The following TTLL9 variants were observed in gnomAD, a reference collection of about 807,000 sequenced individuals.
TTLL9 encodes probable tubulin polyglutamylase TTLL9.
In TTLL9, 47 loss-of-function variants were observed where a neutral mutation model predicts 65.6. That is an observed-to-expected ratio of 0.72 (90% CI 0.57 to 0.91). TTLL9 has a LOEUF of 0.91. Among genes scored for constraint, TTLL9 ranks in the 40% least tolerant of loss-of-function variants. The pLI, the probability that TTLL9 is intolerant of heterozygous loss-of-function variation, is 0.00. For missense variants in TTLL9, 537 were observed against 568.8 expected, an observed-to-expected ratio of 0.94 and a Z score of 0.57; for synonymous variants, 179 against 204.8, an observed-to-expected ratio of 0.87 and a Z score of 1.07.
At chr20:31,872,683 C>T (rs2062955148) in intron 2 of TTLL9, among the ~76,000 whole-genome samples, 1 of 151,930 alleles carries the variant, frequency 6.6e-6, no homozygotes, top group South Asian at 2.1e-4. Context: ...AGAGCGAGAC[C>T]TTGTCTCAAA....
At position 31,905,458 on chromosome 20, in the gene TTLL9, G is replaced by A. The variant is rs1014275809; in HGVS notation, c.207-3133G>A. On this transcript the variant is annotated intron_variant, in intron 4 of 14. Coordinates refer to ENST00000535842, the MANE Select transcript of TTLL9 (RefSeq NM_001008409.5). The stretch of plus-strand genomic sequence containing the variant: ...CACTGTGCCTGGGGCACAGCCACAA[G>A]GGAGGTTTGGAGAAGGACCAGGCCC... 2.6e-5 allele frequency among the ~76,000 whole-genome samples: 4 copies of A among 152,314 alleles called. No homozygotes were observed. In the South Asian group the frequency reaches 8.3e-4, roughly 32 times the overall value.
chr20:31,944,988 C>A lies in TTLL9; in HGVS notation c.*1967C>A, dbSNP rs2064299507. 6.6e-6 allele frequency: 1 copy of A among 152,212 alleles called. No homozygotes were observed. The highest frequency in any genetic ancestry group is 1.5e-5 in the Non-Finnish European group (1 of 68,044). 9.4% of individuals were successfully genotyped at this position (152,212 alleles called of 1,614,324 possible). On this transcript the variant is annotated 3_prime_UTR_variant, in exon 15 of 15. Coordinates refer to ENST00000535842, the MANE Select transcript of TTLL9 (RefSeq NM_001008409.5). ...ATTCATTCAGCTAACATTTATTGAG[C>A]CCTTAATGAACACATAAGAGTTTTG...
chr20:31,930,564 G>A (rs936943848), intron 10 of TTLL9, among the ~76,000 whole-genome samples: 1 of 151,984 alleles, frequency 6.6e-6, no homozygotes, highest in Non-Finnish European at 1.5e-5. Flanking sequence ...ATTCATGTGG[G>A]ATTTTCATGT....
At chr20:31,915,084 G>A (rs1040107620) in intron 6 of TTLL9, among the ~76,000 whole-genome samples, 2 of 152,222 alleles carry the variant, frequency 1.3e-5, no homozygotes, top group Non-Finnish European at 2.9e-5. Context: ...TGAGATATCT[G>A]CAACAATTGT....
At chr20:31,879,097 T>C (rs1600515385) in intron 2 of TTLL9, among the ~76,000 whole-genome samples, 1 of 151,962 alleles carries the variant, frequency 6.6e-6, no homozygotes, top group East Asian at 1.9e-4. Flanking sequence ...TCGAGGCAGG[T>C]GGATCATGAG....
At chr20:31,909,125 ATTTTTTTTT>A (rs11476481) in intron 5 of TTLL9, among the ~76,000 whole-genome samples, 2 of 79,378 alleles carry the variant, frequency 2.5e-5, no homozygotes, top group Non-Finnish European at 4.7e-5. Flanking sequence ...TGAAAGCATG[ATTTTTTTTT>A]TTTTTTTTTT....
At chr20:31,893,306 TTTG>T (rs2063334343) in intron 3 of TTLL9, among the ~76,000 whole-genome samples, 1 of 150,880 alleles carries the variant, frequency 6.6e-6, no homozygotes. Context: ...TTTTTTTTTT[TTTG>T]AGACAGAGTC....
chr20:31,895,687 C>A (rs2063374000), intron 3 of TTLL9, among the ~76,000 whole-genome samples: 1 of 152,070 alleles, frequency 6.6e-6, no homozygotes, highest in Admixed American at 6.6e-5. Context: ...CAGGCACATG[C>A]CACCATGCCC....
At chr20:31,910,042 C>G in intron 6 of TTLL9, 120 bp downstream of exon 6, 1 of 937,038 alleles carries the variant, frequency 1.1e-6, no homozygotes, top group Non-Finnish European at 1.6e-6. Context: ...TCCCGAAGGG[C>G]CAGCTTTAGC....
chr20:31,921,597 G>T (rs2063816882), intron 7 of TTLL9, among the ~76,000 whole-genome samples: 1 of 152,168 alleles, frequency 6.6e-6, no homozygotes, highest in Admixed American at 6.5e-5. Flanking sequence ...TAATAGACTG[G>T]ATTAAGAAAA....
At chr20:31,883,068 G>C (rs2063140757) in intron 2 of TTLL9, among the ~76,000 whole-genome samples, 1 of 152,190 alleles carries the variant, frequency 6.6e-6, no homozygotes, top group Non-Finnish European at 1.5e-5. Flanking sequence ...TCACCATAAA[G>C]CTGGACCCTT....
intron 6 of TTLL9, among the ~76,000 whole-genome samples, chr20:31,910,213 C>G (rs932513697): frequency 1.3e-5 from 2 of 152,216 alleles, no homozygotes; most frequent in African/African-American, 4.8e-5. Context: ...TGCGTTACCC[C>G]AGTCCTCATA....
At chr20:31,907,678 G>A (rs554447746) in intron 4 of TTLL9, among the ~76,000 whole-genome samples, 4 of 151,184 alleles carry the variant, frequency 2.6e-5, no homozygotes, top group East Asian at 3.9e-4. Flanking sequence ...CTGAGATCTC[G>A]CCATTGCACT....
intron 3 of TTLL9, 40 bp from the exon 4 acceptor site, chr20:31,898,433 T>C: frequency 6.3e-7 from 1 of 1,586,958 alleles, no homozygotes; most frequent in Admixed American, 1.7e-5. Context: ...CCTAGGAAAA[T>C]CATTGATCCT....
intron 3 of TTLL9, among the ~76,000 whole-genome samples, chr20:31,894,061 ATAT>A (rs1600544371): frequency 7.0e-6 from 1 of 143,628 alleles, no homozygotes; most frequent in East Asian, 2.1e-4. Context: ...TCAATTTCAG[ATAT>A]TATAGTTTTC....
At position 31,934,778 on chromosome 20, in the gene TTLL9, C is replaced by G; in HGVS notation, c.894C>G (p.Ile298Met). ...PEAVETLFRD[I>M]DNIFVKSLQS... ...CAGTGGAGACACTCTTCAGGGACAT[C>G]GACAACATCTTTGTCAAAAGCCTGC... is the stretch of plus-strand genomic sequence containing the variant. The change falls in exon 12 of 15, where the codon ATC becomes ATG. Residue 298 changes from isoleucine to methionine, a missense_variant. Physicochemically the swap from Ile to Met is conservative, Grantham distance 10. Around this residue, in one of 3 missense-constraint regions of TTLL9, gnomAD observed 205 missense variants for 225.9 expected, o/e 0.91. Transcript: ENST00000535842. 1 of 1,613,660 alleles carries G rather than the reference C, an allele frequency of 6.2e-7. No homozygotes were observed. The highest frequency in any genetic ancestry group is 1.1e-5 in the South Asian group (1 of 91,046).
intron 14 of TTLL9, chr20:31,939,807 G>A (rs1181326555): frequency 6.6e-6 from 1 of 152,286 alleles, no homozygotes; most frequent in Non-Finnish European, 1.5e-5. Flanking sequence ...CAGGTGCTAT[G>A]TAACTTGCTG....
chr20:31,925,902 G>T (rs2063896035), intron 9 of TTLL9, 147 bp from the exon 10 acceptor site: 2 of 1,551,886 alleles, frequency 1.3e-6, no homozygotes, highest in African/African-American at 1.4e-5. Context: ...GGCTCTACCG[G>T]GATGGCTTTG....
At chr20:31,923,151 C>T (rs1193415076) in intron 8 of TTLL9, 98 bp downstream of exon 8, 17 of 916,864 alleles carry the variant, frequency 1.9e-5, no homozygotes, top group Non-Finnish European at 3.1e-5. Context: ...CCCAGCCTGA[C>T]ACCAGGCATG....
Sources: allele counts gnomAD v4.1 joint callset (sites outside exome capture counted in the v4.1 genomes callset), GRCh38; gene constraint gnomAD v4.1.1; regional missense constraint gnomAD v4.1.1; transcripts MANE v1.5; gene names NCBI Gene and HGNC (gene_info 2026-07-23, HGNC 2026-07-21).